Variants in MTMR7 observed in about 807,000 individuals in gnomAD.
MTMR7 encodes phosphatidylinositol-3-phosphate phosphatase MTMR7.
A neutral mutation model predicts 81.2 loss-of-function variants in MTMR7; 76 were observed. The ratio of observed to expected loss-of-function variants is 0.94; its 90% CI spans 0.78 to 1.13. The LOEUF (loss-of-function observed/expected upper bound fraction) is 1.13. Among genes scored for constraint, MTMR7 ranks in the 50% most tolerant of loss-of-function variants. MTMR7 has a pLI of 0.00. For missense variants in MTMR7, 1,044 were observed against 820.0 expected, an observed-to-expected ratio of 1.27 and a Z score of -3.34; for synonymous variants, 372 against 289.8, an observed-to-expected ratio of 1.28 and a Z score of -2.88.
chr8:17,408,306 G>A lies in MTMR7; in HGVS notation c.24+4963C>T, dbSNP rs539522960. On this transcript the variant is annotated intron_variant, in intron 1 of 13. Transcript: ENST00000180173. Reference sequence around the variant, plus strand: ...TGGGAGGCTGAGGCAGGAGAATGGCGTGAACCCGGGAGGCGGAGCTTGCAG... The same window carrying A: ...TGGGAGGCTGAGGCAGGAGAATGGCATGAACCCGGGAGGCGGAGCTTGCAG... Among the ~76,000 whole-genome samples, 5 of 113,206 alleles carry A rather than the reference G, an allele frequency of 4.4e-5. 1 individual carries two copies. The highest frequency in any genetic ancestry group is 1.2e-4 in the Admixed American group (1 of 8,612). The allele number at this position is 113,206 out of a possible 152,430, so 74.3% of individuals were successfully genotyped here.
chr8:17,366,885 C>CAAAAAAAAAAAAAAAAAAAAAAAAAAA (rs1277882494), intron 3 of MTMR7, among the ~76,000 whole-genome samples: 4 of 88,178 alleles, frequency 4.5e-5, no homozygotes, highest in African/African-American at 2.4e-4. Flanking sequence ...GACTCCATCT[C>CAAAAAAAAAAAAAAAAAAAAAAAAAAA]AAAAAAAAAA....
At chr8:17,351,531 G>A (rs376086854) in intron 4 of MTMR7, among the ~76,000 whole-genome samples, 3 of 152,228 alleles carry the variant, frequency 2.0e-5, no homozygotes, top group East Asian at 3.9e-4. Context: ...ACTCTGCAGA[G>A]TAGAGGTATG....
chr8:17,364,106 T>C (rs1287132190), intron 3 of MTMR7, among the ~76,000 whole-genome samples: 1 of 138,462 alleles, frequency 7.2e-6, no homozygotes, highest in African/African-American at 2.7e-5. Flanking sequence ...CTCGGCTCAC[T>C]GCAAGCTCCG....
intron 1 of MTMR7, among the ~76,000 whole-genome samples, chr8:17,403,174 A>C (rs1821478270): frequency 6.6e-6 from 1 of 152,154 alleles, no homozygotes; most frequent in Non-Finnish European, 1.5e-5. Flanking sequence ...GATAGTTTAC[A>C]AATATTTTCT....
At chr8:17,409,841 A>C (rs972716795) in intron 1 of MTMR7, among the ~76,000 whole-genome samples, 1 of 152,208 alleles carries the variant, frequency 6.6e-6, no homozygotes, top group African/African-American at 2.4e-5. Flanking sequence ...AACGTCCCCC[A>C]GATGGAACAG....
In MTMR7 at chr8:17,352,647, C is replaced by G. The variant is rs114637939; in HGVS notation, c.469-3566G>C. Among the ~76,000 whole-genome samples the G allele has an allele frequency of 7.0e-3, 1,061 of 152,180 alleles. 18 individuals carry two copies. Among genetic ancestry groups the G allele is most frequent in the African/African-American group, 0.024 (1,004 of 41,544 alleles). ...ACTTTTATACATCAAAGGACACAAT[C>G]AAAAGTGAAAAAGCAACCTACAGAA... On this transcript the variant is annotated intron_variant, in intron 4 of 13. Coordinates refer to ENST00000180173, the MANE Select transcript of MTMR7 (RefSeq NM_004686.5).
chr8:17,408,314 G>A (rs902871786), intron 1 of MTMR7, among the ~76,000 whole-genome samples: 2 of 67,868 alleles, frequency 2.9e-5, no homozygotes, highest in East Asian at 5.2e-4. Context: ...GCGTGAACCC[G>A]GGAGGCGGAG....
At chr8:17,311,713 G>C in intron 8 of MTMR7, 77 bp from the exon 9 acceptor site, 2 of 1,597,830 alleles carry the variant, frequency 1.3e-6, no homozygotes, top group South Asian at 2.2e-5. Flanking sequence ...AGCCAGGTTT[G>C]ACTGTATATT....
chr8:17,374,397 T>G (rs1401257065), intron 1 of MTMR7, among the ~76,000 whole-genome samples: 1 of 151,094 alleles, frequency 6.6e-6, no homozygotes, highest in East Asian at 2.0e-4. Context: ...CCGAGGCAGG[T>G]GGATCACGAG....
chr8:17,391,895 G>T (rs1054767472), intron 1 of MTMR7, among the ~76,000 whole-genome samples: 1 of 152,190 alleles, frequency 6.6e-6, no homozygotes, highest in Non-Finnish European at 1.5e-5. Flanking sequence ...GTGGGAGGAA[G>T]GGTTGGGTTT....
intron 1 of MTMR7, among the ~76,000 whole-genome samples, chr8:17,378,448 C>G (rs775176389): frequency 2.0e-5 from 3 of 152,144 alleles, no homozygotes; most frequent in Admixed American, 6.5e-5. Context: ...CCCACTGACT[C>G]AGTAATTCAG....
At chr8:17,366,835 G>T (rs7464802) in intron 3 of MTMR7, among the ~76,000 whole-genome samples, 2 of 142,850 alleles carry the variant, frequency 1.4e-5, no homozygotes, top group Non-Finnish European at 3.0e-5. Flanking sequence ...GCAGTGAGCC[G>T]AGATCGAGCC....
intron 10 of MTMR7, among the ~76,000 whole-genome samples, chr8:17,307,008 G>A (rs1489059575): frequency 6.6e-6 from 1 of 152,154 alleles, no homozygotes; most frequent in African/African-American, 2.4e-5. Flanking sequence ...AACACCAAAA[G>A]CAATGGCAGC....
Position 17,375,610 on chromosome 8 carries a change from C to A in MTMR7, c.25-2370G>T, listed in dbSNP as rs576543437. Among the ~76,000 whole-genome samples, 138 of 151,620 alleles carry A rather than the reference C, an allele frequency of 9.1e-4. 3 individuals carry two copies. The highest frequency in any genetic ancestry group is 9.1e-4 in the Non-Finnish European group (62 of 67,990). On this transcript the variant is annotated intron_variant, in intron 1 of 13. Transcript: ENST00000180173. ...CTGGTTTACTTTGCTACTGGGTGAT[C>A]AGCATTTCTTACATATTTATAAGAC...
Position 17,413,308 on chromosome 8 carries a change from G to A in MTMR7, c.-16C>T. On this transcript the variant is annotated 5_prime_UTR_variant, in exon 1 of 14. Transcript: ENST00000180173. ...TGTGCTCCATGGCTGGCCCACGTCTGCAGGGTCCCGGGCGGGCGCGGCCTC... is the reference window on the plus strand; with the variant it reads ...TGTGCTCCATGGCTGGCCCACGTCTACAGGGTCCCGGGCGGGCGCGGCCTC... 2 of 1,540,396 alleles carry A rather than the reference G, an allele frequency of 1.3e-6. No individual in the cohort carries two copies. The highest frequency in any genetic ancestry group is 1.7e-4 in the Middle Eastern group (1 of 5,856).
chr8:17,335,082 T>C (rs1311286530), intron 6 of MTMR7, among the ~76,000 whole-genome samples: 2 of 152,164 alleles, frequency 1.3e-5, no homozygotes, highest in Admixed American at 6.5e-5. Context: ...CTCCAGGATT[T>C]TGAGCAAGTC....
intron 6 of MTMR7, among the ~76,000 whole-genome samples, chr8:17,334,524 G>A (rs373459410): frequency 1.4e-4 from 21 of 152,290 alleles, no homozygotes; most frequent in African/African-American, 4.8e-4. Flanking sequence ...GTGAAAAGTA[G>A]GACTGCAAAA....
At position 17,361,173 on chromosome 8, in the gene MTMR7, G is replaced by A. The variant is rs528716283; in HGVS notation, c.412C>T (p.Arg138Trp). ...CAGTAATGATTAGGGAGGCCCATCC[G>A]CGTGTATTCTTCACTAAGATCGATC... ...VLIDLSEEYT[R>W]MGLPNHYWQL... Residue 138 changes from arginine to tryptophan, a missense_variant, in exon 4 of 14, where the codon CGG becomes TGG. By Grantham distance (101) the Arg-to-Trp change is moderately radical. Transcript: ENST00000180173. 3.3e-5 allele frequency: 53 copies of A among 1,614,088 alleles called. No individual in the cohort carries two copies. Among genetic ancestry groups the A allele is most frequent in the African/African-American group, 1.7e-4 (13 of 75,020 alleles).
At chr8:17,366,683 G>A (rs540252450) in intron 3 of MTMR7, among the ~76,000 whole-genome samples, 24 of 151,960 alleles carry the variant, frequency 1.6e-4, no homozygotes, top group African/African-American at 4.4e-4. Flanking sequence ...TCAGGAGGTC[G>A]AGACCATCCT....
Sources: allele counts gnomAD v4.1 joint callset (sites outside exome capture counted in the v4.1 genomes callset), GRCh38; gene constraint gnomAD v4.1.1; transcripts MANE v1.5; gene names NCBI Gene and HGNC (gene_info 2026-07-23, HGNC 2026-07-21).